The following ATG5 variants were observed in gnomAD, a reference collection of about 807,000 sequenced individuals.
ATG5 encodes autophagy related 5.
Under a neutral mutation model 36.5 loss-of-function variants are expected in ATG5, and 14 were observed. The observed-to-expected ratio is 0.38, with a 90% CI of 0.25 to 0.60. The LOEUF is 0.60. Ranked by LOEUF, ATG5 falls within the 20% of genes least tolerant of loss-of-function variation. ATG5 has a pLI of 0.60. For missense variants in ATG5, 195 were observed against 326.7 expected, an observed-to-expected ratio of 0.60 and a Z score of 3.11; for synonymous variants, 95 against 101.5, an observed-to-expected ratio of 0.94 and a Z score of 0.38.
chr6:106,229,216 C>A (rs532946733), intron 6 of ATG5, among the ~76,000 whole-genome samples: 1 of 152,254 alleles, frequency 6.6e-6, no homozygotes, highest in Non-Finnish European at 1.5e-5. Flanking sequence ...CTCTATGCTG[C>A]GCCCTTAGGC....
chr6:106,242,662 T>C (rs1778175790), intron 6 of ATG5, among the ~76,000 whole-genome samples: 1 of 152,126 alleles, frequency 6.6e-6, no homozygotes. Flanking sequence ...TACATTCACC[T>C]GGGAAACAGA....
chr6:106,248,482 G>A lies in ATG5; in HGVS notation c.479-238C>T, dbSNP rs554487219. The stretch of plus-strand genomic sequence containing the variant: ...TCGCACAGCCATTTTTTTCTCATAA[G>A]AAAAACTGTAAACATATAAACATAC... On this transcript the variant is annotated intron_variant, in intron 5 of 7. Coordinates refer to ENST00000369076, the MANE Select transcript of ATG5 (RefSeq NM_004849.4). Among the ~76,000 whole-genome samples, 11 of 151,982 alleles carry A rather than the reference G, an allele frequency of 7.2e-5. No individual in the cohort carries two copies. In the East Asian group the frequency reaches 1.5e-3, roughly 21 times the overall value.
intron 1 of ATG5, among the ~76,000 whole-genome samples, chr6:106,316,987 C>A (rs1048717407): frequency 3.9e-5 from 6 of 152,090 alleles, no homozygotes; most frequent in Admixed American, 1.3e-4. Flanking sequence ...GCCCTCTGGC[C>A]CCAGTGAAAC....
At chr6:106,268,963 G>C (rs1779333713) in intron 5 of ATG5, among the ~76,000 whole-genome samples, 1 of 152,158 alleles carries the variant, frequency 6.6e-6, no homozygotes, top group African/African-American at 2.4e-5. Context: ...GGGTTGATAG[G>C]TGCAGCAAAC....
At chr6:106,245,659 T>C (rs1778303499) in intron 6 of ATG5, among the ~76,000 whole-genome samples, 1 of 152,168 alleles carries the variant, frequency 6.6e-6, no homozygotes. Context: ...GAAATTCTAT[T>C]AGGATTCTGC....
chr6:106,243,556 C>G (rs892602688), intron 6 of ATG5, among the ~76,000 whole-genome samples: 2 of 146,460 alleles, frequency 1.4e-5, no homozygotes, highest in Non-Finnish European at 3.0e-5. Context: ...ATAGGCTGGG[C>G]GCAGTGGCTC....
intron 3 of ATG5, among the ~76,000 whole-genome samples, chr6:106,298,690 T>C (rs1770081339): frequency 1.3e-5 from 2 of 152,234 alleles, no homozygotes; most frequent in South Asian, 4.1e-4. Context: ...TTATTTCTAT[T>C]GTCAAATTCC....
intron 4 of ATG5, among the ~76,000 whole-genome samples, chr6:106,280,797 G>A (rs964418638): frequency 6.6e-5 from 10 of 152,004 alleles, no homozygotes; most frequent in Admixed American, 3.9e-4. Flanking sequence ...GTCTCAAGTC[G>A]CAAGTGTCAT....
intron 7 of ATG5, among the ~76,000 whole-genome samples, chr6:106,194,739 G>T (rs1325964821): frequency 6.6e-6 from 1 of 152,082 alleles, no homozygotes; most frequent in African/African-American, 2.4e-5. Flanking sequence ...GTTTCACCAT[G>T]TTGGTCAGGC....
intron 5 of ATG5, among the ~76,000 whole-genome samples, chr6:106,251,273 G>A (rs556373192): frequency 9.9e-5 from 15 of 152,250 alleles, no homozygotes; most frequent in South Asian, 2.1e-4. Flanking sequence ...CTGGCCTGGC[G>A]GGAAGAGGGA....
At chr6:106,235,916 C>T (rs1048338671) in intron 6 of ATG5, among the ~76,000 whole-genome samples, 1 of 152,106 alleles carries the variant, frequency 6.6e-6, no homozygotes, top group Non-Finnish European at 1.5e-5. Context: ...CAAGAGGACC[C>T]CTTCAACAAG....
intron 6 of ATG5, among the ~76,000 whole-genome samples, chr6:106,209,096 A>G (rs1179799295): frequency 2.0e-5 from 3 of 152,254 alleles, no homozygotes. Context: ...AAAACAGTAC[A>G]GTCCCTCAGG....
chr6:106,270,728 AC>A (rs2114578993), intron 5 of ATG5, among the ~76,000 whole-genome samples: 1 of 152,284 alleles, frequency 6.6e-6, no homozygotes, highest in Admixed American at 6.5e-5. Context: ...GACATCTCAA[AC>A]TTTTAGCCTC....
chr6:106,256,128 T>C (rs1011241284), intron 5 of ATG5, among the ~76,000 whole-genome samples: 1 of 152,226 alleles, frequency 6.6e-6, no homozygotes, highest in African/African-American at 2.4e-5. Context: ...GATACCCCCA[T>C]TATGTTCACT....
chr6:106,186,733 A>C, intron 7 of ATG5, 57 bp from the exon 8 acceptor site: 1 of 1,578,694 alleles, frequency 6.3e-7, no homozygotes, highest in Non-Finnish European at 8.6e-7. Flanking sequence ...AAGAAAAAAT[A>C]ATCTGGTGCC....
At chr6:106,246,259 G>A (rs576728940) in intron 6 of ATG5, among the ~76,000 whole-genome samples, 10 of 151,962 alleles carry the variant, frequency 6.6e-5, no homozygotes, top group Non-Finnish European at 1.2e-4. Context: ...AGGTTCTGCC[G>A]AGAGTCCCCA....
chr6:106,196,228 AC>A (rs1266723995), intron 7 of ATG5, among the ~76,000 whole-genome samples: 1 of 152,228 alleles, frequency 6.6e-6, no homozygotes. Context: ...CAGATTAGAT[AC>A]TAAACACAAA....
At chr6:106,207,354 T>C (rs987672330) in intron 6 of ATG5, among the ~76,000 whole-genome samples, 3 of 152,176 alleles carry the variant, frequency 2.0e-5, no homozygotes, top group Non-Finnish European at 2.9e-5. Context: ...GGAAACCTTA[T>C]GTATTTTCTT....
At chr6:106,322,569 T>C (rs1446353958) in intron 1 of ATG5, among the ~76,000 whole-genome samples, 7 of 152,332 alleles carry the variant, frequency 4.6e-5, no homozygotes, top group East Asian at 3.9e-4. Flanking sequence ...TCTCAGCTAA[T>C]GACCTTGCTT....
Sources: allele counts gnomAD v4.1 joint callset (sites outside exome capture counted in the v4.1 genomes callset), GRCh38; gene constraint gnomAD v4.1.1; transcripts MANE v1.5; gene names NCBI Gene and HGNC (gene_info 2026-07-23, HGNC 2026-07-21).